The following TMEM74 variants were observed in gnomAD, a reference collection of about 807,000 sequenced individuals.
TMEM74 encodes the protein transmembrane protein 74.
A neutral mutation model predicts 18.1 loss-of-function variants in TMEM74; 13 were observed. The observed-to-expected ratio is 0.72, with a 90% confidence interval of 0.47 to 1.14. The LOEUF (loss-of-function observed/expected upper bound fraction) is 1.14. Ranked by LOEUF, TMEM74 falls within the 50% of genes most tolerant of loss-of-function variation. The pLI, the probability that TMEM74 is intolerant of heterozygous loss-of-function variation, is 0.00. For missense variants in TMEM74, 372 were observed against 375.9 expected (o/e 0.99, Z 0.09); for synonymous variants, 159 against 146.6 (o/e 1.08, Z -0.61).
chr8:108,668,619 A>C (rs1812972591), intron 1 of TMEM74, among the ~76,000 whole-genome samples: 1 of 152,186 alleles, frequency 6.6e-6, no homozygotes, highest in Admixed American at 6.6e-5. Flanking sequence ...ACTTATTTTA[A>C]GGTCAAAGCA....
At position 108,688,911 on chromosome 8, in the gene TMEM74, G is replaced by A. The variant is rs145586374; in HGVS notation, n.120-33474C>T. ...ATCTAAAAGCAAACTGTCTCATCAT[G>A]GTTTCTTTTCCTAGAGGGCTCCTTG... On this transcript the variant is annotated intron_variant and non_coding_transcript_variant, in intron 1 of 3. Coordinates refer to the TMEM74 transcript ENST00000518838. Among the ~76,000 whole-genome samples the A allele has an allele frequency of 6.8e-3, 1,038 of 152,194 alleles. 3 individuals carry two copies. The highest frequency in any genetic ancestry group is 0.01 in the Non-Finnish European group (682 of 68,008).
intron 1 of TMEM74, among the ~76,000 whole-genome samples, chr8:108,767,545 T>TAC (rs1814123019): frequency 6.6e-6 from 1 of 152,172 alleles, no homozygotes; most frequent in Non-Finnish European, 1.5e-5. Flanking sequence ...GTCCTTTATA[T>TAC]ACAGATCTGT....
chr8:108,680,079 C>T (rs191723191), intron 1 of TMEM74, among the ~76,000 whole-genome samples: 12 of 152,052 alleles, frequency 7.9e-5, no homozygotes, highest in Non-Finnish European at 1.2e-4. Flanking sequence ...CCAGGATCTA[C>T]CAGAGGTACA....
intron 1 of TMEM74, among the ~76,000 whole-genome samples, chr8:108,739,961 C>T (rs746194258): frequency 5.9e-5 from 9 of 152,062 alleles, no homozygotes; most frequent in Non-Finnish European, 1.2e-4. Flanking sequence ...GCTCTGGGAG[C>T]CCACACTATT....
At chr8:108,746,374 T>C (rs972450614) in intron 1 of TMEM74, among the ~76,000 whole-genome samples, 1 of 152,018 alleles carries the variant, frequency 6.6e-6, no homozygotes. Flanking sequence ...TTTTATATCT[T>C]GTATGTGCAC....
At chr8:108,635,754 AT>A (rs1812601373) in intron 2 of TMEM74, among the ~76,000 whole-genome samples, 1 of 151,924 alleles carries the variant, frequency 6.6e-6, no homozygotes, top group Non-Finnish European at 1.5e-5. Flanking sequence ...ACCTTGACTA[AT>A]TTTTTTACTA....
intron 1 of TMEM74, among the ~76,000 whole-genome samples, chr8:108,770,567 G>C (rs1814160161): frequency 6.6e-6 from 1 of 152,122 alleles, no homozygotes; most frequent in African/African-American, 2.4e-5. Flanking sequence ...TTTATGTGGT[G>C]TAATTCCTAT....
At chr8:108,662,711 GA>G (rs766943387) in intron 1 of TMEM74, among the ~76,000 whole-genome samples, 24 of 152,108 alleles carry the variant, frequency 1.6e-4, no homozygotes, top group Non-Finnish European at 2.6e-4. Context: ...ATTGTAGTTA[GA>G]AGGTGAGATT....
Position 108,644,652 on chromosome 8 carries a change from C to G in TMEM74, n.264+10641G>C, listed in dbSNP as rs531985375. Among the ~76,000 whole-genome samples, 5 of 152,186 alleles carry G rather than the reference C, an allele frequency of 3.3e-5. No homozygotes were observed. The East Asian group carries it at 9.7e-4, about 29-fold the overall frequency. On this transcript the variant is annotated intron_variant and non_coding_transcript_variant, in intron 2 of 3. Coordinates refer to the TMEM74 transcript ENST00000518838. The stretch of plus-strand genomic sequence containing the variant: ...TTTATAAAGAACTTAAACAAATCAA[C>G]AAACAAAAACAAACAACCCTGTTAA...
Position 108,779,968 on chromosome 8 carries a change from T to C in TMEM74, c.*4213A>G, listed in dbSNP as rs905207457. Among the ~76,000 whole-genome samples, 8 of 152,196 alleles carry C rather than the reference T, an allele frequency of 5.3e-5. No homozygotes were observed. Among genetic ancestry groups the C allele is most frequent in the Admixed American group, 3.3e-4 (5 of 15,270 alleles). On this transcript the variant is annotated 3_prime_UTR_variant, in exon 2 of 2. Coordinates refer to ENST00000297459, the MANE Select transcript of TMEM74 (RefSeq NM_153015.3). Reference sequence around the variant, plus strand: ...GAATATTATGAACCAAAAACAGATATAGCTAAAAATCAGCCAAAAGGAAAT... The same window carrying C: ...GAATATTATGAACCAAAAACAGATACAGCTAAAAATCAGCCAAAAGGAAAT...
At chr8:108,700,245 G>T (rs949474184) in intron 1 of TMEM74, among the ~76,000 whole-genome samples, 1 of 151,894 alleles carries the variant, frequency 6.6e-6, no homozygotes, top group Admixed American at 6.6e-5. Context: ...GAAACTCAGT[G>T]GGGGGATGTT....
At chr8:108,686,541 A>G (rs1395467123) in intron 1 of TMEM74, among the ~76,000 whole-genome samples, 1 of 152,020 alleles carries the variant, frequency 6.6e-6, no homozygotes, top group African/African-American at 2.4e-5. Flanking sequence ...TGTGCTCTTT[A>G]TTGGAGGGAA....
intron 2 of TMEM74, chr8:108,652,612 G>C (rs189420567): frequency 9.6e-6 from 6 of 625,258 alleles, no homozygotes; most frequent in East Asian, 8.4e-5. Flanking sequence ...GGAAAAGATA[G>C]TTGCAGTAAA....
intron 1 of TMEM74, among the ~76,000 whole-genome samples, chr8:108,682,926 G>A (rs538585690): frequency 1.3e-5 from 2 of 151,874 alleles, no homozygotes; most frequent in African/African-American, 4.8e-5. Context: ...GTTAGCCTTT[G>A]TTTTCTTTAG....
intron 2 of TMEM74, among the ~76,000 whole-genome samples, chr8:108,622,459 G>A (rs1006190780): frequency 6.6e-6 from 1 of 152,012 alleles, no homozygotes. Flanking sequence ...TTAAAACACT[G>A]CAACAAACTA....
intron 1 of TMEM74, among the ~76,000 whole-genome samples, chr8:108,728,345 C>T (rs1216863773): frequency 6.6e-6 from 1 of 152,134 alleles, no homozygotes; most frequent in Non-Finnish European, 1.5e-5. Context: ...CTATAGACAT[C>T]AGCTTTAGAT....
chr8:108,613,563 A>G (rs996137937), intron 2 of TMEM74, among the ~76,000 whole-genome samples: 3 of 152,214 alleles, frequency 2.0e-5, no homozygotes, highest in African/African-American at 7.2e-5. Context: ...ATTTGGATAC[A>G]CTTCAGTGAT....
At chr8:108,608,579 A>T (rs932508386) in intron 3 of TMEM74, among the ~76,000 whole-genome samples, 2 of 152,184 alleles carry the variant, frequency 1.3e-5, no homozygotes, top group African/African-American at 4.8e-5. Flanking sequence ...CCTGCTGGTA[A>T]ACTAATACTG....
At chr8:108,633,321 A>T (rs1396182559) in intron 2 of TMEM74, among the ~76,000 whole-genome samples, 2 of 152,004 alleles carry the variant, frequency 1.3e-5, no homozygotes, top group African/African-American at 4.8e-5. Context: ...GGCTCAGGAG[A>T]AATTTGTCAA....
Sources: allele counts gnomAD v4.1 joint callset (sites outside exome capture counted in the v4.1 genomes callset), GRCh38; gene constraint gnomAD v4.1.1; transcripts MANE v1.5; gene names NCBI Gene and HGNC (gene_info 2026-07-23, HGNC 2026-07-21).